TRAPPC3: variants seen among roughly 807,000 people sequenced by gnomAD.
TRAPPC3 encodes trafficking protein particle complex subunit 3.
Under a neutral mutation model 18.2 loss-of-function variants are expected in TRAPPC3, and 5 were observed. The ratio of observed to expected loss-of-function variants is 0.28; its 90% CI spans 0.14 to 0.58. The LOEUF (loss-of-function observed/expected upper bound fraction) is 0.58, where lower values mean the gene tolerates loss of function less well. Ranked by LOEUF, TRAPPC3 falls within the 20% of genes least tolerant of loss-of-function variation. TRAPPC3 has a pLI of 0.91. For missense variants in TRAPPC3, 176 were observed against 225.9 expected (o/e 0.78, Z 1.41); for synonymous variants, 65 against 84.2 (o/e 0.77, Z 1.25).
intron 1 of TRAPPC3, among the ~76,000 whole-genome samples, chr1:36,155,221 G>C (rs1175410155): frequency 6.6e-6 from 1 of 152,182 alleles, no homozygotes; most frequent in Non-Finnish European, 1.5e-5. Flanking sequence ...CCCTGCAGCA[G>C]CACCACCATC....
At chr1:36,138,411 C>G (rs1366590400) in intron 3 of TRAPPC3, among the ~76,000 whole-genome samples, 1 of 152,120 alleles carries the variant, frequency 6.6e-6, no homozygotes, top group Non-Finnish European at 1.5e-5. Context: ...CATTACTGGG[C>G]AGAGAAAAAG....
chr1:36,140,196 C>G (rs1217544725), intron 1 of TRAPPC3, 30 bp from the exon 2 acceptor site: 1 of 1,440,274 alleles, frequency 6.9e-7, no homozygotes, highest in Non-Finnish European at 9.4e-7. Flanking sequence ...CAGTCAGGAC[C>G]AAGCAGCACA....
upstream of TRAPPC3, among the ~76,000 whole-genome samples, chr1:36,150,776 G>A (rs1181647029): frequency 6.6e-6 from 1 of 152,254 alleles, no homozygotes; most frequent in African/African-American, 2.4e-5. Context: ...CGAGGGCTCT[G>A]GGAAGGAACT....
At chr1:36,141,958 CAAAAAAAAAAAA>C (rs71053907) in intron 1 of TRAPPC3, among the ~76,000 whole-genome samples, 2 of 64,120 alleles carry the variant, frequency 3.1e-5, no homozygotes, top group Non-Finnish European at 5.8e-5. Context: ...ATTCCGTCTC[CAAAAAAAAAAAA>C]AAAAAAAAAA....
chr1:36,152,855 T>C (rs867074982), upstream of TRAPPC3, among the ~76,000 whole-genome samples: 1 of 152,160 alleles, frequency 6.6e-6, no homozygotes, highest in Non-Finnish European at 1.5e-5. Context: ...TTTCGCCATG[T>C]TGCCCAGGCT....
chr1:36,154,986 CCT>C lies in TRAPPC3; in HGVS notation c.-97+895_-97+896del, dbSNP rs546386985. On this transcript the variant is annotated intron_variant, in intron 1 of 4. Coordinates refer to the TRAPPC3 transcript ENST00000617904. ...AGGCTGCTCCCAGGTTGCCTGAGCC[CCT>C]GACCCTTTTGTTTCCCACTCTATCC... Among the ~76,000 whole-genome samples, 93 of 152,284 alleles carry C rather than the reference CCT, an allele frequency of 6.1e-4. 2 individuals are homozygous for C. In the South Asian group the frequency reaches 0.018, roughly 29 times the overall value.
chr1:36,137,649 G>A (rs1012576252), intron 4 of TRAPPC3, 147 bp downstream of exon 4: 1 of 861,114 alleles, frequency 1.2e-6, no homozygotes, highest in Admixed American at 2.9e-5. Flanking sequence ...TGTCCGACTT[G>A]GATCCTACCT....
chr1:36,139,906 G>C, intron 2 of TRAPPC3, 87 bp from the exon 3 acceptor site: 2 of 1,559,384 alleles, frequency 1.3e-6, no homozygotes, highest in Non-Finnish European at 1.7e-6. Context: ...AGGGAAAATG[G>C]GGATAATCTC....
chr1:36,150,188 G>A (rs1176812828), upstream of TRAPPC3, among the ~76,000 whole-genome samples: 1 of 152,124 alleles, frequency 6.6e-6, no homozygotes, highest in African/African-American at 2.4e-5. Flanking sequence ...TCCCAGCTTT[G>A]CCATTTTAGG....
At chr1:36,140,014 A>C in intron 2 of TRAPPC3, 55 bp downstream of exon 2, 1 of 1,500,486 alleles carries the variant, frequency 6.7e-7, no homozygotes. Context: ...GACAATGTAG[A>C]CTCAGTGTGC....
intron 3 of TRAPPC3, 61 bp downstream of exon 3, chr1:36,139,659 T>A (rs1476827448): frequency 3.7e-5 from 59 of 1,600,898 alleles, no homozygotes; most frequent in Non-Finnish European, 5.0e-5. Flanking sequence ...ATAGAAAGAG[T>A]GGTAAGCAGT....
upstream of TRAPPC3, among the ~76,000 whole-genome samples, chr1:36,153,475 C>T (rs888797750): frequency 6.6e-6 from 1 of 152,226 alleles, no homozygotes; most frequent in African/African-American, 2.4e-5. Context: ...GTCGTTTAAG[C>T]TGCCTAACTC....
At chr1:36,144,905 A>G (rs1316301233) in intron 1 of TRAPPC3, among the ~76,000 whole-genome samples, 1 of 152,168 alleles carries the variant, frequency 6.6e-6, no homozygotes, top group Non-Finnish European at 1.5e-5. Context: ...CAACCTGAAC[A>G]AAGTAAATGA....
At chr1:36,148,333 G>A (rs183748031) in intron 1 of TRAPPC3, among the ~76,000 whole-genome samples, 1 of 151,540 alleles carries the variant, frequency 6.6e-6, no homozygotes, top group Non-Finnish European at 1.5e-5. Context: ...AGTGGCTCAC[G>A]CCTGTAATCC....
In TRAPPC3 at chr1:36,149,181, G is replaced by A. The variant is rs1489870334; in HGVS notation, c.42+156C>T. ...AACTTCTCCGACGGTCCCCTCACCTGCCTGGAACGCCCCCGGAGTGACCCA... is the reference window on the plus strand; with the variant it reads ...AACTTCTCCGACGGTCCCCTCACCTACCTGGAACGCCCCCGGAGTGACCCA... On this transcript the variant is annotated intron_variant, in intron 1 of 4. Transcript: ENST00000373166. The A allele has an allele frequency of 4.7e-6, 7 of 1,486,522 alleles. No individual in the cohort carries two copies. The East Asian group carries it at 1.5e-4, about 32-fold the overall frequency. The allele number at this position is 1,486,522 out of a possible 1,614,324, so 92.1% of individuals were successfully genotyped here. A position where few individuals can be genotyped will look rare whatever the true frequency, so the allele number is the denominator to read the frequency against.
chr1:36,151,757 C>T (rs139890609), upstream of TRAPPC3, among the ~76,000 whole-genome samples: 274 of 152,314 alleles, frequency 1.8e-3, 1 homozygote, highest in African/African-American at 6.2e-3. Flanking sequence ...TCACCACCCT[C>T]TTCTCCTTCT....
intron 1 of TRAPPC3, among the ~76,000 whole-genome samples, chr1:36,142,277 T>A (rs553316150): frequency 7.2e-5 from 11 of 152,204 alleles, no homozygotes; most frequent in African/African-American, 2.6e-4. Flanking sequence ...GGGGAAGCTG[T>A]TAAGGAGGGG....
upstream of TRAPPC3, among the ~76,000 whole-genome samples, chr1:36,153,342 G>A (rs1431729639): frequency 2.0e-5 from 3 of 152,286 alleles, no homozygotes; most frequent in South Asian, 2.1e-4. Context: ...CACTTCCTCT[G>A]TCCACCAACT....
rs1411989809 is a variant in TRAPPC3, at chr1:36,137,909, A to C, written c.310T>G (p.Ser104Ala). 1 of 1,614,246 alleles carries C rather than the reference A, an allele frequency of 6.2e-7. No individual in the cohort carries two copies. The highest frequency in any genetic ancestry group is 1.3e-5 in the African/African-American group (1 of 75,068). Residue 104 changes from serine (S) to alanine (A), a missense_variant, in exon 4 of 5, where the codon TCC becomes GCC. Around this residue, in one of 2 missense-constraint regions of TRAPPC3, gnomAD observed 147 missense variants for 164.3 expected, o/e 0.89. Coordinates refer to ENST00000373166, the MANE Select transcript of TRAPPC3 (RefSeq NM_014408.5). ...AAGGGGTTATTTTCCAAAATGAGGG[A>C]GAATTCATCACCAGCTGGGCTCCAA... ...TNWSPAGDEFSLILENNPLVD... is the reference protein window; with the variant it reads ...TNWSPAGDEFALILENNPLVD...
Sources: allele counts gnomAD v4.1 joint callset (sites outside exome capture counted in the v4.1 genomes callset), GRCh38; gene constraint gnomAD v4.1.1; regional missense constraint gnomAD v4.1.1; transcripts MANE v1.5; gene names NCBI Gene and HGNC (gene_info 2026-07-23, HGNC 2026-07-21).